Variants in SMARCC1 observed in about 807,000 individuals in gnomAD.
The protein encoded by SMARCC1 is SWI/SNF related BAF chromatin remodeling complex subunit C1, also known as SWI/SNF complex subunit SMARCC1.
A neutral mutation model predicts 147.4 loss-of-function variants in SMARCC1; 43 were observed. The ratio of observed to expected loss-of-function variants is 0.29; its 90% CI spans 0.23 to 0.38. The LOEUF (loss-of-function observed/expected upper bound fraction) is 0.38, where lower values mean the gene tolerates loss of function less well. Among genes scored for constraint, SMARCC1 ranks in the 10% least tolerant of loss-of-function variants. The pLI is 1.00. For missense variants in SMARCC1, 1,119 were observed against 1,381.1 expected (o/e 0.81, Z 3.01); for synonymous variants, 495 against 484.4 (o/e 1.02, Z -0.29).
At chr3:47,708,083 CTTTTTTTTTTTTTTTTTTTTTTTTTT>C (rs915291740) in intron 9 of SMARCC1, among the ~76,000 whole-genome samples, 3 of 64,280 alleles carry the variant, frequency 4.7e-5, no homozygotes, top group Middle Eastern at 0.019. Flanking sequence ...AATTTTTTTT[CTTTTTTTTTTTTTTTTTTTTTTTTTT>C]TTTTTTTTGA....
intron 2 of SMARCC1, among the ~76,000 whole-genome samples, chr3:47,768,435 C>T (rs2034866589): frequency 6.6e-6 from 1 of 152,006 alleles, no homozygotes; most frequent in Admixed American, 6.6e-5. Flanking sequence ...TGGTTTAGTT[C>T]CCAGGAGTCA....
chr3:47,656,255 G>A (rs149227977), intron 21 of SMARCC1, among the ~76,000 whole-genome samples: 7 of 152,170 alleles, frequency 4.6e-5, no homozygotes, highest in East Asian at 1.9e-4. Context: ...TTGAGAAGCC[G>A]GTACTACGTA....
intron 15 of SMARCC1, 197 bp downstream of exon 15, chr3:47,680,240 A>C (rs1024879579): frequency 1.5e-4 from 75 of 485,852 alleles, no homozygotes; most frequent in African/African-American, 6.2e-5. Context: ...ACCAAAAAAA[A>C]CCCCCCAAAA....
chr3:47,745,820 G>T, intron 3 of SMARCC1, 88 bp downstream of exon 3: 1 of 733,546 alleles, frequency 1.4e-6, no homozygotes, highest in Non-Finnish European at 2.2e-6. Flanking sequence ...TAATCATCAT[G>T]TGCTTACAGG....
At chr3:47,667,765 T>C (rs374976234) in intron 19 of SMARCC1, among the ~76,000 whole-genome samples, 1 of 152,090 alleles carries the variant, frequency 6.6e-6, no homozygotes, top group African/African-American at 2.4e-5. Context: ...TAGTCCCAAC[T>C]ACTCGGGAGG....
At chr3:47,620,131 G>C (rs2032705666) in intron 25 of SMARCC1, among the ~76,000 whole-genome samples, 1 of 152,134 alleles carries the variant, frequency 6.6e-6, no homozygotes. Context: ...CCCATGCTTA[G>C]GGAGTCACTA....
intron 18 of SMARCC1, among the ~76,000 whole-genome samples, chr3:47,672,667 A>G (rs765886087): frequency 4.6e-5 from 7 of 152,210 alleles, no homozygotes; most frequent in Non-Finnish European, 8.8e-5. Context: ...GATCTCTACA[A>G]CCTAGACACA....
At chr3:47,588,338 G>T in intron 27 of SMARCC1, 32 bp from the exon 28 acceptor site, 3 of 1,585,760 alleles carry the variant, frequency 1.9e-6, no homozygotes, top group Non-Finnish European at 2.6e-6. Flanking sequence ...ACTCGTTATT[G>T]CTGGAAATAC....
intron 11 of SMARCC1, among the ~76,000 whole-genome samples, chr3:47,699,497 T>C (rs1188999433): frequency 6.6e-6 from 1 of 152,100 alleles, no homozygotes; most frequent in Non-Finnish European, 1.5e-5. Flanking sequence ...TAGCTTCTCC[T>C]AGTATTCTTA....
chr3:47,636,788 ATGTGTGTGTGTGTGTGTGTGTG>A (rs35445330), intron 22 of SMARCC1, among the ~76,000 whole-genome samples: 5 of 80,624 alleles, frequency 6.2e-5, no homozygotes, highest in South Asian at 3.6e-4. Context: ...AAATATATAT[ATGTGTGTGTGTGTGTGTGTGTG>A]TGTGTGTGTG....
chr3:47,729,236 C>A, intron 5 of SMARCC1, 142 bp from the exon 6 acceptor site: 4 of 592,232 alleles, frequency 6.8e-6, no homozygotes, highest in South Asian at 2.6e-5. Context: ...TCTTTTTAGT[C>A]AAATAAAAAA....
At chr3:47,695,502 C>T (rs1401633732) in intron 11 of SMARCC1, among the ~76,000 whole-genome samples, 1 of 152,064 alleles carries the variant, frequency 6.6e-6, no homozygotes, top group Non-Finnish European at 1.5e-5. Context: ...CGCGGTGGCT[C>T]ATGCTTGTAA....
intron 26 of SMARCC1, among the ~76,000 whole-genome samples, chr3:47,596,111 G>A (rs1272671767): frequency 6.6e-6 from 1 of 151,460 alleles, no homozygotes; most frequent in Non-Finnish European, 1.5e-5. Flanking sequence ...ATGATTCAAA[G>A]GAAAAAGGGC....
At chr3:47,685,029 T>G (rs2033702949) in intron 14 of SMARCC1, among the ~76,000 whole-genome samples, 1 of 152,194 alleles carries the variant, frequency 6.6e-6, no homozygotes, top group South Asian at 2.1e-4. Context: ...CACAATTCTT[T>G]TTAAGTCGGA....
At chr3:47,658,595 A>G (rs1408498014) in intron 21 of SMARCC1, among the ~76,000 whole-genome samples, 1 of 152,236 alleles carries the variant, frequency 6.6e-6, no homozygotes, top group Non-Finnish European at 1.5e-5. Flanking sequence ...TGGCAAATGT[A>G]AACACTTCAT....
intron 7 of SMARCC1, among the ~76,000 whole-genome samples, chr3:47,715,303 A>T (rs1342847229): frequency 6.6e-6 from 1 of 151,896 alleles, no homozygotes; most frequent in African/African-American, 2.4e-5. Context: ...CAAACCTAAC[A>T]CTCAAAGCTC....
intron 7 of SMARCC1, among the ~76,000 whole-genome samples, chr3:47,717,259 G>C (rs2034166571): frequency 6.6e-6 from 1 of 152,128 alleles, no homozygotes; most frequent in South Asian, 2.1e-4. Context: ...ACTAACCTTA[G>C]ATCCGGCTAC....
chr3:47,650,092 C>T (rs142103937), intron 21 of SMARCC1, among the ~76,000 whole-genome samples: 6,735 of 151,442 alleles, frequency 0.044, 499 homozygotes, highest in African/African-American at 0.15. Context: ...CTGGCTAACA[C>T]GGTGAAGCCC....
intron 21 of SMARCC1, 42 bp downstream of exon 21, chr3:47,661,248 TACAA>T: frequency 6.6e-7 from 1 of 1,512,824 alleles, no homozygotes; most frequent in Non-Finnish European, 8.9e-7. Flanking sequence ...CTGACAGGAA[TACAA>T]ACATATATTA....
Sources: gnomAD v4.1 joint callset for allele counts (sites outside exome capture counted in the v4.1 genomes callset) on GRCh38, gnomAD v4.1.1 for gene constraint, MANE v1.5 for transcripts, NCBI Gene and HGNC (gene_info 2026-07-23, HGNC 2026-07-21) for gene names.